Variants in MRC2 observed in about 807,000 individuals in gnomAD.
MRC2 encodes the protein mannose receptor C-type 2.
MRC2 carries 84 observed loss-of-function variants against 206.2 expected under a neutral mutation model. That is an observed-to-expected ratio of 0.41 (90% confidence interval 0.34 to 0.49). MRC2 has a LOEUF of 0.49. MRC2 is among the 20% of genes least tolerant of loss of function. The probability of loss-of-function intolerance (pLI) is 0.31; values close to 1 mark genes in which losing one functional copy is unlikely to be tolerated. For synonymous variants in MRC2, 798 were observed against 800.0 expected (o/e 1.00, Z 0.04); for missense variants, 1,676 against 2,001.5 (o/e 0.84, Z 3.10).
In MRC2 at chr17:62,650,346, C is replaced by T. The variant is rs149388725; in HGVS notation, c.119-14202C>T. Among the ~76,000 whole-genome samples the T allele has an allele frequency of 9.2e-5, 14 of 152,326 alleles. No homozygotes were observed. In the Middle Eastern group the frequency reaches 0.014, roughly 148 times the overall value. The stretch of plus-strand genomic sequence containing the variant: ...GGGATGGGTGGAGACTGTGGCAAAC[C>T]GGTGAGCCCACACCCCTCCCAGGTG... On this transcript the variant is annotated intron_variant, in intron 1 of 29. Coordinates refer to ENST00000303375, the MANE Select transcript of MRC2 (RefSeq NM_006039.5).
Position 62,674,106 on chromosome 17 carries a change from C to A in MRC2, c.1505C>A (p.Ser502Tyr). The change falls in exon 9 of 30, where the codon TCC becomes TAC. Residue 502 changes from serine to tyrosine, a missense_variant. This residue lies in a region of MRC2 where 1,354 missense variants were observed against 1,636.6 expected (regional missense o/e 0.83). Transcript: ENST00000303375. ...NDSPCNQSLP[S>Y]ICKKAGQLSQ... The stretch of plus-strand genomic sequence containing the variant: ...AGTCCCTGTAACCAGTCCTTGCCAT[C>A]CATCTGCAAGAAGGCAGGCCAGCTG... 6.4e-7 allele frequency: 1 copy of A among 1,555,904 alleles called. No homozygotes were observed. The highest frequency in any genetic ancestry group is 1.4e-5 in the African/African-American group (1 of 73,474).
At chr17:62,690,805 G>A (rs754868650) in intron 27 of MRC2, 44 bp downstream of exon 27, 43 of 1,544,406 alleles carry the variant, frequency 2.8e-5, no homozygotes, top group African/African-American at 8.2e-5. Flanking sequence ...GCCTCAGGCT[G>A]TAAGGGGCTG....
At chr17:62,686,147 G>A (rs1199987104) in intron 20 of MRC2, among the ~76,000 whole-genome samples, 2 of 152,152 alleles carry the variant, frequency 1.3e-5, no homozygotes, top group Non-Finnish European at 2.9e-5. Flanking sequence ...ATTCACGGTA[G>A]GGTTCGCACT....
intron 1 of MRC2, among the ~76,000 whole-genome samples, chr17:62,650,627 C>G (rs1011402918): frequency 1.3e-5 from 2 of 152,324 alleles, no homozygotes; most frequent in South Asian, 2.1e-4. Context: ...TCAGTTTCCT[C>G]ATCTGTCAAG....
chr17:62,677,778 G>A (rs368864944), intron 12 of MRC2, among the ~76,000 whole-genome samples: 1 of 152,208 alleles, frequency 6.6e-6, no homozygotes, highest in African/African-American at 2.4e-5. Context: ...TTGGCCGGGC[G>A]CAGTGGCTCA....
chr17:62,635,809 A>C (rs1361477503), intron 1 of MRC2, among the ~76,000 whole-genome samples: 1 of 150,454 alleles, frequency 6.6e-6, no homozygotes, highest in African/African-American at 2.5e-5. Flanking sequence ...TTTTTCTGAG[A>C]CGGAGTCTCG....
At chr17:62,653,135 G>A (rs865963544) in intron 1 of MRC2, among the ~76,000 whole-genome samples, 24 of 152,292 alleles carry the variant, frequency 1.6e-4, no homozygotes, top group Middle Eastern at 6.8e-3. Flanking sequence ...GGCTGGAGGC[G>A]AGAGCGATTG....
At chr17:62,657,264 G>A (rs1461421831) in intron 1 of MRC2, among the ~76,000 whole-genome samples, 1 of 152,218 alleles carries the variant, frequency 6.6e-6, no homozygotes, top group African/African-American at 2.4e-5. Context: ...GATAAGGGCT[G>A]GGATCATGTC....
intron 1 of MRC2, among the ~76,000 whole-genome samples, chr17:62,648,352 C>T (rs112655531): frequency 8.5e-5 from 13 of 152,338 alleles, no homozygotes; most frequent in African/African-American, 2.6e-4. Flanking sequence ...TGCGTGACTG[C>T]GCAAGGGTCC....
chr17:62,674,267 AT>A, intron 9 of MRC2, 97 bp downstream of exon 9: 2 of 857,576 alleles, frequency 2.3e-6, no homozygotes, highest in Admixed American at 3.0e-5. Context: ...CTCGCATGGC[AT>A]CGCCCTCTCG....
chr17:62,629,523 A>C (rs368658400), intron 1 of MRC2, among the ~76,000 whole-genome samples: 1 of 152,040 alleles, frequency 6.6e-6, no homozygotes, highest in African/African-American at 2.4e-5. Context: ...CATTGACCAC[A>C]CCCTGAGGAG....
chr17:62,645,523 A>ATTTT (rs1275675979), intron 1 of MRC2, among the ~76,000 whole-genome samples: 32 of 40,074 alleles, frequency 8.0e-4, no homozygotes, highest in Non-Finnish European at 1.4e-3. Flanking sequence ...ATATATATAT[A>ATTTT]TATATTTTTT....
intron 1 of MRC2, among the ~76,000 whole-genome samples, chr17:62,648,084 C>T (rs2088511527): frequency 6.6e-6 from 1 of 152,150 alleles, no homozygotes; most frequent in African/African-American, 2.4e-5. Flanking sequence ...TCTTCACCAC[C>T]CCATCAATTT....
At position 62,667,289 on chromosome 17, in the gene MRC2, T is replaced by G; in HGVS notation, c.974-101T>G. 6.9e-7 allele frequency: 1 copy of G among 1,442,832 alleles called. No individual in the cohort carries two copies. Among genetic ancestry groups the G allele is most frequent in the Non-Finnish European group, 9.2e-7 (1 of 1,084,968 alleles). 89.4% of individuals were successfully genotyped at this position (1,442,832 alleles called of 1,614,324 possible). A position where few individuals can be genotyped will look rare whatever the true frequency, so the allele number is the denominator to read the frequency against. ...CAGGCTTCCCGAACTGGCTCAGGCT[T>G]CCGAGGGAGCAGAGGGAGGTAGGAG... On this transcript the variant is annotated intron_variant, in intron 5 of 29. Transcript: ENST00000303375. The surrounding 1 kb of genome is among the most constrained non-coding windows in gnomAD (Gnocchi z 4.1).
chr17:62,632,837 T>G (rs2088261886), intron 1 of MRC2, among the ~76,000 whole-genome samples: 1 of 152,186 alleles, frequency 6.6e-6, no homozygotes, highest in Non-Finnish European at 1.5e-5. Flanking sequence ...GGGAACACTA[T>G]AGCCAGCCTT....
intron 20 of MRC2, among the ~76,000 whole-genome samples, chr17:62,684,967 C>T (rs1443646679): frequency 3.9e-5 from 6 of 152,126 alleles, no homozygotes; most frequent in Non-Finnish European, 7.3e-5. Flanking sequence ...ATCGCAAAAC[C>T]CTGTCTCTAC....
chr17:62,650,265 T>C (rs1231639038), intron 1 of MRC2, among the ~76,000 whole-genome samples: 2 of 152,180 alleles, frequency 1.3e-5, no homozygotes, highest in African/African-American at 4.8e-5. Flanking sequence ...ACAAGCATGA[T>C]ACTATATGGC....
intron 23 of MRC2, chr17:62,689,234 C>A: frequency 1.7e-6 from 1 of 586,216 alleles, no homozygotes. Flanking sequence ...GCGTCAAGGA[C>A]CCTGAGGTTC....
Position 62,628,006 on chromosome 17 carries a change from T to TC in MRC2, c.118+92dup, listed in dbSNP as rs552252930. On this transcript the variant is annotated intron_variant, in intron 1 of 29. Transcript: ENST00000303375. ...GCCGCTCTCGACTTTTCCCTCCTTTTCCCCCCTCTTTTCTCCAGAAGCGTG... is the reference window on the plus strand; with the variant it reads ...GCCGCTCTCGACTTTTCCCTCCTTTTCCCCCCCTCTTTTCTCCAGAAGCGTG... 685 of 873,006 alleles carry TC rather than the reference T, an allele frequency of 7.8e-4. 1 individual carries two copies. The highest frequency in any genetic ancestry group is 1.2e-3 in the Middle Eastern group (5 of 4,310). 54.1% of individuals were successfully genotyped at this position (873,006 alleles called of 1,614,324 possible).
Sources: allele counts gnomAD v4.1 joint callset (sites outside exome capture counted in the v4.1 genomes callset), GRCh38; gene constraint gnomAD v4.1.1; regional missense constraint gnomAD v4.1.1; non-coding constraint Gnocchi (gnomAD v3.1); transcripts MANE v1.5; gene names NCBI Gene and HGNC (gene_info 2026-07-23, HGNC 2026-07-21).